Variants in SGCZ observed in about 807,000 individuals in gnomAD.
The protein encoded by SGCZ is zeta-sarcoglycan.
SGCZ carries 40 observed loss-of-function variants against 41.3 expected under a neutral mutation model. That is an observed-to-expected ratio of 0.97 (90% CI 0.75 to 1.26). SGCZ has a LOEUF of 1.26. Among genes scored for constraint, SGCZ ranks in the 50% most tolerant of loss-of-function variants. SGCZ has a pLI of 0.00. For missense variants in SGCZ, 552 were observed against 369.8 expected, an observed-to-expected ratio of 1.49 and a Z score of -4.04; for synonymous variants, 206 against 137.5, an observed-to-expected ratio of 1.50 and a Z score of -3.49.
chr8:15,073,838 G>A (rs1162819960), intron 1 of SGCZ, among the ~76,000 whole-genome samples: 1 of 152,158 alleles, frequency 6.6e-6, no homozygotes, highest in Non-Finnish European at 1.5e-5. Flanking sequence ...AACTGAAAAA[G>A]ATGCCTAGCA....
intron 1 of SGCZ, among the ~76,000 whole-genome samples, chr8:15,195,882 A>C (rs957056267): frequency 2.1e-5 from 3 of 145,398 alleles, no homozygotes; most frequent in African/African-American, 7.6e-5. Context: ...ATACATCCTT[A>C]GGCTTCGATT....
chr8:14,431,803 C>T (rs1376884682), intron 2 of SGCZ, among the ~76,000 whole-genome samples: 18 of 152,088 alleles, frequency 1.2e-4, no homozygotes, highest in East Asian at 3.9e-4. Flanking sequence ...GACTAATATC[C>T]AGAATCTACA....
At chr8:15,129,709 A>AAAAAC (rs554175316) in intron 1 of SGCZ, among the ~76,000 whole-genome samples, 8,007 of 149,006 alleles carry the variant, frequency 0.054, 407 homozygotes, top group Middle Eastern at 0.11. Context: ...AGCATTTGCA[A>AAAAAC]AAAAAAAAAA....
chr8:14,652,346 AG>A (rs200127643), intron 1 of SGCZ, among the ~76,000 whole-genome samples: 3,942 of 50,676 alleles, frequency 0.078, 76 homozygotes, highest in South Asian at 0.26. Flanking sequence ...AAAAAAAAAA[AG>A]GGGGGGGTGT....
intron 1 of SGCZ, among the ~76,000 whole-genome samples, chr8:14,598,868 T>C (rs1177134849): frequency 6.6e-6 from 1 of 152,158 alleles, no homozygotes; most frequent in Non-Finnish European, 1.5e-5. Flanking sequence ...TATCTTTCCA[T>C]TGCAATCATT....
chr8:14,974,004 A>G (rs1032223268), intron 1 of SGCZ, among the ~76,000 whole-genome samples: 2 of 152,206 alleles, frequency 1.3e-5, no homozygotes, highest in Non-Finnish European at 2.9e-5. Context: ...GGGTGAAAAC[A>G]AGGAATAATT....
chr8:14,489,814 C>T lies in SGCZ; in HGVS notation c.234+64918G>A, dbSNP rs73527168. 7.5e-3 allele frequency among the ~76,000 whole-genome samples: 1,144 copies of T among 151,644 alleles called. 21 individuals are homozygous for T. Among genetic ancestry groups the T allele is most frequent in the African/African-American group, 0.026 (1,091 of 41,266 alleles). ...CTGGCCTAATCACATTGACTAACCT[C>T]TCTCCTAACATCATGCAGCAGATTT... is the stretch of plus-strand genomic sequence containing the variant. On this transcript the variant is annotated intron_variant, in intron 2 of 7. Transcript: ENST00000382080.
chr8:14,258,331 A>G (rs539266227), intron 3 of SGCZ, among the ~76,000 whole-genome samples: 13 of 152,180 alleles, frequency 8.5e-5, no homozygotes, highest in Non-Finnish European at 1.5e-4. Context: ...AGGGCAATGT[A>G]TTAGTCCTCT....
At position 15,153,069 on chromosome 8, in the gene SGCZ, C is replaced by A. The variant is rs145831006; in HGVS notation, c.39+84516G>T. On this transcript the variant is annotated intron_variant, in intron 1 of 7. Coordinates refer to ENST00000382080, the MANE Select transcript of SGCZ (RefSeq NM_139167.4). ...CAATAACTTAACCAGAGTTTCTCAT[C>A]TAAACCAAAGAAAAGAGAAAATCAT... Among the ~76,000 whole-genome samples, 118 of 152,270 alleles carry A rather than the reference C, an allele frequency of 7.7e-4. No individual in the cohort carries two copies. The East Asian group carries it at 0.021, about 27-fold the overall frequency.
chr8:14,265,730 A>C (rs1799845546), intron 3 of SGCZ, among the ~76,000 whole-genome samples: 1 of 151,982 alleles, frequency 6.6e-6, no homozygotes, highest in Non-Finnish European at 1.5e-5. Flanking sequence ...GTAGAGAGAC[A>C]ATTCAGCAAT....
chr8:14,187,192 C>G (rs1563173942), intron 4 of SGCZ, among the ~76,000 whole-genome samples: 1 of 152,162 alleles, frequency 6.6e-6, no homozygotes, highest in East Asian at 1.9e-4. Context: ...CATCATTAAA[C>G]AAACAAGTAA....
chr8:15,057,773 A>T (rs1260317705), intron 1 of SGCZ, among the ~76,000 whole-genome samples: 2 of 152,212 alleles, frequency 1.3e-5, no homozygotes, highest in African/African-American at 4.8e-5. Flanking sequence ...ACTCAGAGCT[A>T]ATCATATTCA....
rs186065566 is a variant in SGCZ at position 14,252,625 on chromosome 8, G to A, written c.337-14946C>T. 1.6e-3 allele frequency among the ~76,000 whole-genome samples: 238 copies of A among 152,184 alleles called. 1 individual carries two copies. Among genetic ancestry groups the A allele is most frequent in the African/African-American group, 5.4e-3 (224 of 41,526 alleles). On this transcript the variant is annotated intron_variant, in intron 3 of 7. Coordinates refer to ENST00000382080, the MANE Select transcript of SGCZ (RefSeq NM_139167.4). ...CATTCTTCTAGAGAAAGTTTGTATT[G>A]TACCTGCTAAGTCCTAGAGATGAGT...
At chr8:14,932,434 T>C (rs1799946109) in intron 1 of SGCZ, among the ~76,000 whole-genome samples, 1 of 152,008 alleles carries the variant, frequency 6.6e-6, no homozygotes, top group Non-Finnish European at 1.5e-5. Flanking sequence ...TAAAACTAAT[T>C]TTGACTTCAG....
intron 1 of SGCZ, among the ~76,000 whole-genome samples, chr8:15,233,942 TAAC>T (rs1019490583): frequency 5.9e-5 from 9 of 152,104 alleles, no homozygotes; most frequent in African/African-American, 2.2e-4. Flanking sequence ...TCAAAGCAAA[TAAC>T]AATTATCCAC....
intron 1 of SGCZ, among the ~76,000 whole-genome samples, chr8:15,014,627 C>T (rs1242094572): frequency 6.6e-6 from 1 of 152,144 alleles, no homozygotes; most frequent in Non-Finnish European, 1.5e-5. Flanking sequence ...CATTTGGCTA[C>T]TCAGCATGGA....
At chr8:14,596,703 G>C (rs888062441) in intron 1 of SGCZ, among the ~76,000 whole-genome samples, 1 of 152,034 alleles carries the variant, frequency 6.6e-6, no homozygotes, top group African/African-American at 2.4e-5. Context: ...AGAGCATTAG[G>C]ACAAATACCT....
At chr8:14,274,901 C>A (rs1368454528) in intron 3 of SGCZ, among the ~76,000 whole-genome samples, 2 of 151,610 alleles carry the variant, frequency 1.3e-5, no homozygotes, top group Non-Finnish European at 2.9e-5. Context: ...AAATTGTGAC[C>A]CTACATTCAT....
At chr8:14,278,575 G>C (rs973574934) in intron 3 of SGCZ, among the ~76,000 whole-genome samples, 1 of 152,172 alleles carries the variant, frequency 6.6e-6, no homozygotes, top group East Asian at 1.9e-4. Flanking sequence ...AGTATTAAAA[G>C]AAGATAAAAT....
Sources: allele counts gnomAD v4.1 joint callset (sites outside exome capture counted in the v4.1 genomes callset), GRCh38; gene constraint gnomAD v4.1.1; transcripts MANE v1.5; gene names NCBI Gene and HGNC (gene_info 2026-07-23, HGNC 2026-07-21).